The following FRY variants were observed in gnomAD, a reference collection of about 807,000 sequenced individuals.
FRY encodes the protein protein furry homolog.
In FRY, 128 loss-of-function variants were observed where a neutral mutation model predicts 348.4. That is an observed-to-expected ratio of 0.37 (90% CI 0.32 to 0.43). The LOEUF (loss-of-function observed/expected upper bound fraction) is 0.43. Ranked by LOEUF, FRY falls within the 20% of genes least tolerant of loss-of-function variation. The pLI is 1.00. For missense variants in FRY, 2,736 were observed against 3,695.2 expected (o/e 0.74, Z 6.73); for synonymous variants, 1,370 against 1,374.7 (o/e 1.00, Z 0.08).
At position 32,262,385 on chromosome 13, in the gene FRY, T is replaced by A. The variant is rs1019416413; in HGVS notation, c.7689T>A (p.Pro2563=). 34 of 1,613,492 alleles carry A rather than the reference T, an allele frequency of 2.1e-5. No homozygotes were observed. The highest frequency in any genetic ancestry group is 2.8e-5 in the Non-Finnish European group (33 of 1,179,512). The change falls in exon 53 of 61, where the codon CCT becomes CCA. Residue 2563 remains proline (P), a synonymous_variant. Coordinates refer to ENST00000542859, the MANE Select transcript of FRY (RefSeq NM_023037.3). ...TCACCACAGCCTGTGACTCGACCCC[T>A]GCAGAACCTCATTCCTTTAACACCA... ...ELLTTACDST[P]AEPHSFNTRM...
rs574349093 is a variant in FRY, at chr13:32,170,230, C to T, written c.1893-782C>T. Among the ~76,000 whole-genome samples the T allele has an allele frequency of 5.3e-5, 8 of 152,214 alleles. No homozygotes were observed. The East Asian group carries it at 1.2e-3, about 22-fold the overall frequency. ...GTTCCTCATCCTTAAGAATAGGATT[C>T]GATACTAATTTATTATTCTGTAGCC... is the stretch of plus-strand genomic sequence containing the variant. On this transcript the variant is annotated intron_variant, in intron 17 of 60. Coordinates refer to ENST00000542859, the MANE Select transcript of FRY (RefSeq NM_023037.3).
At chr13:32,058,950 G>A (rs567432740) in intron 1 of FRY, among the ~76,000 whole-genome samples, 1 of 152,258 alleles carries the variant, frequency 6.6e-6, no homozygotes, top group African/African-American at 2.4e-5. Context: ...GAATGACCCT[G>A]AGCAACCTTA....
chr13:32,128,439 G>A (rs1025845127), intron 7 of FRY, among the ~76,000 whole-genome samples: 27 of 152,154 alleles, frequency 1.8e-4, no homozygotes, highest in Non-Finnish European at 3.8e-4. Context: ...TAGGCCCCCG[G>A]TAAATTATTA....
In FRY at chr13:32,177,594, G is replaced by GATAAATAAATAAATAAATAA. The variant is rs71194512; in HGVS notation, c.2422-574_2422-555dup. ...GTGTGACAGAGCAAGACTCTGTCTC[G>GATAAATAAATAAATAAATAA]ATAAATAAATAAATAAATAAATAAA... On this transcript the variant is annotated intron_variant, in intron 20 of 60. Coordinates refer to ENST00000542859, the MANE Select transcript of FRY (RefSeq NM_023037.3). Among the ~76,000 whole-genome samples, 9 of 147,854 alleles carry GATAAATAAATAAATAAATAA rather than the reference G, an allele frequency of 6.1e-5. 1 individual carries two copies. The highest frequency in any genetic ancestry group is 1.8e-4 in the African/African-American group (7 of 39,754).
chr13:32,084,739 T>C (rs1262391640), intron 2 of FRY, among the ~76,000 whole-genome samples: 1 of 152,204 alleles, frequency 6.6e-6, no homozygotes, highest in African/African-American at 2.4e-5. Flanking sequence ...CTTTCAGTTG[T>C]GCATGTGCAT....
At chr13:32,278,606 T>A (rs1465418100) in intron 58 of FRY, 58 bp downstream of exon 58, 2 of 951,976 alleles carry the variant, frequency 2.1e-6, no homozygotes, top group Admixed American at 1.7e-5. Context: ...GTATTAGTTT[T>A]GGTCTACCCA....
rs111712375 is a variant in FRY at position 32,196,501 on chromosome 13, G to C, written c.3746+2204G>C. Among the ~76,000 whole-genome samples the C allele has an allele frequency of 4.4e-3, 675 of 152,228 alleles. 6 individuals are homozygous for C. The highest frequency in any genetic ancestry group is 0.016 in the African/African-American group (658 of 41,518). ...TAATGTATCAGTGTTCATTAGCTGT[G>C]GCAATGGGGAAAATGGTTCTCTACA... On this transcript the variant is annotated intron_variant, in intron 29 of 60. Transcript: ENST00000542859.
At chr13:32,050,906 G>T (rs1873285846) in intron 1 of FRY, among the ~76,000 whole-genome samples, 1 of 152,128 alleles carries the variant, frequency 6.6e-6, no homozygotes, top group Non-Finnish European at 1.5e-5. Flanking sequence ...AATAAATATT[G>T]CAAAATAAAG....
intron 33 of FRY, among the ~76,000 whole-genome samples, chr13:32,210,130 G>A (rs1884602849): frequency 6.6e-6 from 1 of 152,188 alleles, no homozygotes; most frequent in Admixed American, 6.5e-5. Flanking sequence ...GAATAAGAAA[G>A]CAGAGTATGC....
chr13:32,209,464 T>C (rs1321017324), intron 32 of FRY, 121 bp from the exon 33 acceptor site: 9 of 918,146 alleles, frequency 9.8e-6, no homozygotes, highest in Non-Finnish European at 1.6e-5. Context: ...TGATAAATGG[T>C]CATGTTTACC....
intron 2 of FRY, among the ~76,000 whole-genome samples, chr13:32,098,887 A>G (rs1317889971): frequency 6.6e-6 from 1 of 152,086 alleles, no homozygotes; most frequent in African/African-American, 2.4e-5. Context: ...TTTTACATGA[A>G]TACACATTTT....
rs550581650 is a variant in FRY at position 32,252,076 on chromosome 13, C to T, written c.7245+124C>T. 6.7e-6 allele frequency: 5 copies of T among 745,080 alleles called. No individual in the cohort carries two copies. In the East Asian group the frequency reaches 1.3e-4, roughly 19 times the overall value. 46.2% of individuals were successfully genotyped at this position (745,080 alleles called of 1,614,324 possible). On this transcript the variant is annotated intron_variant, in intron 50 of 60. Coordinates refer to ENST00000542859, the MANE Select transcript of FRY (RefSeq NM_023037.3). ...GAATGACAAGTATGATAGCCACCGT[C>T]TTGAGCAAACCCCTGGACTATTTCT...
chr13:32,272,550 T>C (rs1247496244), intron 55 of FRY, among the ~76,000 whole-genome samples: 3 of 152,262 alleles, frequency 2.0e-5, no homozygotes, highest in African/African-American at 7.2e-5. Flanking sequence ...ACCAGCTACG[T>C]GAGAGGCTGA....
intron 20 of FRY, among the ~76,000 whole-genome samples, chr13:32,175,970 T>G (rs1882334431): frequency 6.6e-6 from 1 of 152,224 alleles, no homozygotes; most frequent in Non-Finnish European, 1.5e-5. Flanking sequence ...AATATGTAAC[T>G]TCTATTTATG....
rs541977032 is a variant in FRY at position 32,066,192 on chromosome 13, A to G, written c.71-12642A>G. Among the ~76,000 whole-genome samples the G allele has an allele frequency of 9.8e-5, 15 of 152,346 alleles. No individual in the cohort carries two copies. The East Asian group carries it at 2.9e-3, about 29-fold the overall frequency. On this transcript the variant is annotated intron_variant, in intron 1 of 60. Transcript: ENST00000542859. ...TGTTTTATCTCTTCCCTTGACCTGTAGAAACTGGTACAGTTTTCCTATAGA... is the reference window on the plus strand; with the variant it reads ...TGTTTTATCTCTTCCCTTGACCTGTGGAAACTGGTACAGTTTTCCTATAGA...
At chr13:32,243,499 G>A (rs1324235294) in intron 46 of FRY, among the ~76,000 whole-genome samples, 3 of 152,036 alleles carry the variant, frequency 2.0e-5, no homozygotes, top group Admixed American at 6.5e-5. Context: ...GATCTTATTT[G>A]CCAAACTATC....
chr13:32,066,228 T>A (rs561111042), intron 1 of FRY, among the ~76,000 whole-genome samples: 11 of 152,348 alleles, frequency 7.2e-5, no homozygotes, highest in Admixed American at 2.0e-4. Context: ...ACGAACCTAC[T>A]TCTGGATTAG....
intron 17 of FRY, among the ~76,000 whole-genome samples, chr13:32,162,233 G>T (rs184215640): frequency 1.3e-5 from 2 of 152,280 alleles, no homozygotes; most frequent in Non-Finnish European, 2.9e-5. Context: ...TCTGATTATG[G>T]TATAATTTTT....
chr13:32,047,642 C>T (rs1873100296), intron 1 of FRY, among the ~76,000 whole-genome samples: 1 of 151,920 alleles, frequency 6.6e-6, no homozygotes, highest in Admixed American at 6.5e-5. Context: ...ATGATCTCGC[C>T]TCACTGCAAC....
Sources: gnomAD v4.1 joint callset for allele counts (sites outside exome capture counted in the v4.1 genomes callset) on GRCh38, gnomAD v4.1.1 for gene constraint, MANE v1.5 for transcripts, NCBI Gene and HGNC (gene_info 2026-07-23, HGNC 2026-07-21) for gene names.